PCOLCE2: variants seen among roughly 807,000 people sequenced by gnomAD.
The protein encoded by PCOLCE2 is procollagen C-endopeptidase enhancer 2.
A neutral mutation model predicts 47.0 loss-of-function variants in PCOLCE2; 42 were observed. That is an observed-to-expected ratio of 0.89 (90% CI 0.70 to 1.16). PCOLCE2 has a LOEUF of 1.16. Among genes scored for constraint, PCOLCE2 ranks in the 50% most tolerant of loss-of-function variants. The pLI is 0.00. For missense variants in PCOLCE2, 500 were observed against 526.1 expected, an observed-to-expected ratio of 0.95 and a Z score of 0.49; for synonymous variants, 169 against 191.7, an observed-to-expected ratio of 0.88 and a Z score of 0.98.
At chr3:142,825,043 G>A (rs1001867140) in intron 6 of PCOLCE2, among the ~76,000 whole-genome samples, 2 of 152,146 alleles carry the variant, frequency 1.3e-5, no homozygotes, top group Admixed American at 6.5e-5. Flanking sequence ...GCTTAAATAT[G>A]CATTTTTAAA....
At chr3:142,880,820 G>C (rs1933598608) in intron 2 of PCOLCE2, among the ~76,000 whole-genome samples, 1 of 152,206 alleles carries the variant, frequency 6.6e-6, no homozygotes, top group African/African-American at 2.4e-5. Flanking sequence ...ACCCTGGGAA[G>C]TCAAACAAAT....
chr3:142,834,238 C>G (rs1937180353), intron 5 of PCOLCE2, among the ~76,000 whole-genome samples: 1 of 152,172 alleles, frequency 6.6e-6, no homozygotes, highest in African/African-American at 2.4e-5. Context: ...GTCTTCCTGC[C>G]AGGTTCTTCT....
At chr3:142,823,981 T>C (rs9846572) in intron 6 of PCOLCE2, among the ~76,000 whole-genome samples, 5,374 of 152,302 alleles carry the variant, frequency 0.035, 326 homozygotes, top group African/African-American at 0.12. Context: ...AGAATGTAGG[T>C]TAATCCCTCA....
chr3:142,819,792 C>T (rs1324106399), intron 8 of PCOLCE2, among the ~76,000 whole-genome samples: 4 of 152,058 alleles, frequency 2.6e-5, no homozygotes, highest in East Asian at 1.9e-4. Flanking sequence ...ACCACAGGTG[C>T]GCACCACCAC....
chr3:142,871,803 G>A (rs1933389911), intron 2 of PCOLCE2, among the ~76,000 whole-genome samples: 1 of 152,084 alleles, frequency 6.6e-6, no homozygotes. Context: ...ATAGCTGTGT[G>A]TATAGATATT....
At chr3:142,827,309 T>C (rs1020897873) in intron 6 of PCOLCE2, 46 of 1,350,554 alleles carry the variant, frequency 3.4e-5, no homozygotes, top group Admixed American at 2.0e-4. Context: ...CTTATATTTG[T>C]GGTAGGCTTG....
At chr3:142,827,075 A>C (rs1427757513) in intron 6 of PCOLCE2, 12 of 1,252,618 alleles carry the variant, frequency 9.6e-6, no homozygotes, top group African/African-American at 1.5e-5. Context: ...ATAAAGACAA[A>C]CTTTATTGAG....
chr3:142,826,771 T>C lies in PCOLCE2; in HGVS notation c.865+2921A>G, dbSNP rs957939043. Among the ~76,000 whole-genome samples, 7 of 152,158 alleles carry C rather than the reference T, an allele frequency of 4.6e-5. No individual in the cohort carries two copies. The South Asian group carries it at 8.3e-4, about 18-fold the overall frequency. On this transcript the variant is annotated intron_variant, in intron 6 of 8. Transcript: ENST00000295992. ...ATGTCATGAAACCAAACGGAAACAC[T>C]GTAGTCCTCCCTTATTGGAAGTCTC...
chr3:142,866,595 A>G (rs1371417672), intron 2 of PCOLCE2, among the ~76,000 whole-genome samples: 1 of 152,232 alleles, frequency 6.6e-6, no homozygotes, highest in Non-Finnish European at 1.5e-5. Flanking sequence ...AAAATGTTGA[A>G]AAATATGAAT....
intron 2 of PCOLCE2, among the ~76,000 whole-genome samples, chr3:142,886,429 T>C (rs1560144061): frequency 6.6e-6 from 1 of 151,186 alleles, no homozygotes; most frequent in Non-Finnish European, 1.5e-5. Context: ...TTTCAGAGAC[T>C]TATTTGACAT....
At chr3:142,870,947 T>C (rs550744259) in intron 2 of PCOLCE2, among the ~76,000 whole-genome samples, 12 of 152,292 alleles carry the variant, frequency 7.9e-5, no homozygotes, top group Admixed American at 1.3e-4. Flanking sequence ...TTCTCCCTGA[T>C]GGTAAAGTCA....
chr3:142,850,527 A>G (rs1937377999), intron 2 of PCOLCE2, among the ~76,000 whole-genome samples: 1 of 152,062 alleles, frequency 6.6e-6, no homozygotes, highest in Non-Finnish European at 1.5e-5. Context: ...AGGCAACCAA[A>G]GTGTGTGGCG....
intron 6 of PCOLCE2, among the ~76,000 whole-genome samples, chr3:142,829,400 A>C (rs1937120776): frequency 6.6e-6 from 1 of 152,154 alleles, no homozygotes; most frequent in Admixed American, 6.5e-5. Context: ...CAAGTTTGTC[A>C]GTTCCAGAAA....
intron 6 of PCOLCE2, among the ~76,000 whole-genome samples, chr3:142,826,338 C>A (rs926740559): frequency 6.6e-6 from 1 of 152,130 alleles, no homozygotes; most frequent in African/African-American, 2.4e-5. Context: ...AGAAGAGAAG[C>A]ATAGCAGAAA....
chr3:142,831,831 T>C (rs1344765726), intron 5 of PCOLCE2, among the ~76,000 whole-genome samples: 5 of 152,232 alleles, frequency 3.3e-5, no homozygotes, highest in Non-Finnish European at 7.3e-5. Flanking sequence ...GGGGGTAGTA[T>C]ATTGGAAACT....
At chr3:142,879,105 TTC>T (rs1268786617) in intron 2 of PCOLCE2, among the ~76,000 whole-genome samples, 2 of 152,204 alleles carry the variant, frequency 1.3e-5, no homozygotes, top group Non-Finnish European at 2.9e-5. Flanking sequence ...TAAAAATCCT[TTC>T]TGAGTGTTTT....
chr3:142,877,163 AT>A (rs1206047576), intron 2 of PCOLCE2, among the ~76,000 whole-genome samples: 1 of 152,212 alleles, frequency 6.6e-6, no homozygotes, highest in Non-Finnish European at 1.5e-5. Context: ...ATTATTTGCA[AT>A]TTTTAACTGA....
At chr3:142,828,588 G>A (rs531163487) in intron 6 of PCOLCE2, among the ~76,000 whole-genome samples, 4 of 152,280 alleles carry the variant, frequency 2.6e-5, no homozygotes, top group South Asian at 2.1e-4. Flanking sequence ...TGCTGTGGAC[G>A]TGCTTGGGAA....
chr3:142,828,798 A>C (rs770146921), intron 6 of PCOLCE2, among the ~76,000 whole-genome samples: 1 of 152,218 alleles, frequency 6.6e-6, no homozygotes, highest in Non-Finnish European at 1.5e-5. Context: ...AATTCACTGG[A>C]AAGAACATGG....
Sources: gnomAD v4.1 joint callset for allele counts (sites outside exome capture counted in the v4.1 genomes callset) on GRCh38, gnomAD v4.1.1 for gene constraint, MANE v1.5 for transcripts, NCBI Gene and HGNC (gene_info 2026-07-23, HGNC 2026-07-21) for gene names.